The following FRMD5 variants were observed in gnomAD, a reference collection of about 807,000 sequenced individuals.
The protein encoded by FRMD5 is FERM domain-containing protein 5.
In FRMD5, 20 loss-of-function variants were observed where a neutral mutation model predicts 69.0. The observed-to-expected ratio is 0.29, with a 90% CI of 0.20 to 0.42. The LOEUF (loss-of-function observed/expected upper bound fraction) is 0.42. Among genes scored for constraint, FRMD5 ranks in the 10% least tolerant of loss-of-function variants. The pLI, the probability that FRMD5 is intolerant of heterozygous loss-of-function variation, is 1.00. For missense variants in FRMD5, 595 were observed against 708.6 expected (o/e 0.84, Z 1.82); for synonymous variants, 271 against 260.1 (o/e 1.04, Z -0.40).
At chr15:43,883,846 C>T in intron 12 of FRMD5, 37 bp from the exon 13 acceptor site, 1 of 1,483,888 alleles carries the variant, frequency 6.7e-7, no homozygotes, top group South Asian at 1.1e-5. Flanking sequence ...TAATTCAGTG[C>T]ATGGACACAT....
At chr15:43,947,982 G>A (rs956959016) in intron 1 of FRMD5, among the ~76,000 whole-genome samples, 5 of 152,148 alleles carry the variant, frequency 3.3e-5, no homozygotes, top group African/African-American at 1.2e-4. Flanking sequence ...GAAGGATAAA[G>A]AAAGCTGATG....
intron 1 of FRMD5, among the ~76,000 whole-genome samples, chr15:44,066,327 T>C (rs1893308594): frequency 6.6e-6 from 1 of 152,152 alleles, no homozygotes; most frequent in African/African-American, 2.4e-5. Flanking sequence ...GAATTCACAA[T>C]CTACTTTCAA....
At chr15:44,169,956 A>G (rs2077772219) in intron 1 of FRMD5, among the ~76,000 whole-genome samples, 1 of 152,222 alleles carries the variant, frequency 6.6e-6, no homozygotes, top group Non-Finnish European at 1.5e-5. Context: ...GTATAGAACT[A>G]CTACATACTC....
intron 7 of FRMD5, among the ~76,000 whole-genome samples, chr15:43,897,487 C>CA (rs34243475): frequency 0.23 from 3,733 of 16,036 alleles, 918 homozygotes; most frequent in African/African-American, 0.34. Flanking sequence ...CACTCCATCT[C>CA]AAAAAAAAAA....
At chr15:44,151,742 A>G (rs1566972952) in intron 1 of FRMD5, among the ~76,000 whole-genome samples, 1 of 152,188 alleles carries the variant, frequency 6.6e-6, no homozygotes, top group African/African-American at 2.4e-5. Flanking sequence ...AAAGAAAAAA[A>G]AGTTTGGACT....
At chr15:43,930,302 G>A (rs2089652524) in intron 1 of FRMD5, among the ~76,000 whole-genome samples, 1 of 152,226 alleles carries the variant, frequency 6.6e-6, no homozygotes, top group Non-Finnish European at 1.5e-5. Flanking sequence ...ATTCCAGGGG[G>A]AAATGCAGAG....
intron 1 of FRMD5, chr15:43,990,135 C>G (rs758267499): frequency 1.6e-6 from 1 of 621,440 alleles, no homozygotes; most frequent in South Asian, 1.5e-5. Flanking sequence ...GCTGGCCTTG[C>G]ACATGCCAGA....
chr15:44,087,737 T>TATCATCATCATC (rs61525802), intron 1 of FRMD5, among the ~76,000 whole-genome samples: 10 of 148,176 alleles, frequency 6.7e-5, no homozygotes, highest in Non-Finnish European at 1.5e-4. Context: ...TATCAGCTGC[T>TATCATCATCATC]ATCATCATCA....
At chr15:44,072,619 T>G (rs368650459) in intron 1 of FRMD5, among the ~76,000 whole-genome samples, 2 of 152,340 alleles carry the variant, frequency 1.3e-5, no homozygotes, top group South Asian at 2.1e-4. Context: ...TTTGCTTTTG[T>G]AGGACACCAG....
At chr15:43,977,744 T>G (rs2090485884) in intron 1 of FRMD5, among the ~76,000 whole-genome samples, 1 of 152,186 alleles carries the variant, frequency 6.6e-6, no homozygotes, top group Non-Finnish European at 1.5e-5. Flanking sequence ...CAATCTAGAT[T>G]TATTTGTAAA....
chr15:44,093,589 T>C (rs2076506577), intron 1 of FRMD5, among the ~76,000 whole-genome samples: 3 of 151,866 alleles, frequency 2.0e-5, no homozygotes, highest in African/African-American at 4.8e-5. Flanking sequence ...TTTTTTTTTT[T>C]TGAGACGGAG....
intron 1 of FRMD5, among the ~76,000 whole-genome samples, chr15:44,072,745 C>A (rs1193238430): frequency 6.6e-6 from 1 of 152,034 alleles, no homozygotes; most frequent in Non-Finnish European, 1.5e-5. Context: ...AAATATTGTC[C>A]CTTTCAAAGA....
chr15:44,160,215 G>A lies in FRMD5; in HGVS notation c.102+34738C>T, dbSNP rs143063938. 4.1e-3 allele frequency among the ~76,000 whole-genome samples: 619 copies of A among 152,292 alleles called. 2 individuals carry two copies. The highest frequency in any genetic ancestry group is 7.1e-3 in the Non-Finnish European group (480 of 68,022). On this transcript the variant is annotated intron_variant, in intron 1 of 13. Coordinates refer to ENST00000417257, the MANE Select transcript of FRMD5 (RefSeq NM_032892.5). ...CTAAAAATACAAAAATTAGCTGGGC[G>A]TGGTGCCACTTGCACCTGTAGTCCC...
At chr15:43,980,316 C>A (rs140727937) in intron 1 of FRMD5, among the ~76,000 whole-genome samples, 54 of 152,328 alleles carry the variant, frequency 3.5e-4, no homozygotes, top group African/African-American at 1.0e-3. Context: ...CCTTCAGTAA[C>A]TGAGAATGCT....
At chr15:43,897,347 C>T (rs938889796) in intron 7 of FRMD5, among the ~76,000 whole-genome samples, 4 of 151,742 alleles carry the variant, frequency 2.6e-5, no homozygotes, top group Admixed American at 6.6e-5. Context: ...ATTAGCTGGG[C>T]GTGGTAGTGT....
At chr15:44,012,731 A>C (rs917300044) in intron 1 of FRMD5, among the ~76,000 whole-genome samples, 2 of 151,932 alleles carry the variant, frequency 1.3e-5, no homozygotes, top group African/African-American at 4.8e-5. Context: ...GGTTCACCTA[A>C]AACATTATTG....
At chr15:44,055,971 C>A (rs1892855384) in intron 1 of FRMD5, among the ~76,000 whole-genome samples, 1 of 152,184 alleles carries the variant, frequency 6.6e-6, no homozygotes, top group Non-Finnish European at 1.5e-5. Flanking sequence ...ATTTTACCTC[C>A]TTATCCTGGT....
intron 1 of FRMD5, among the ~76,000 whole-genome samples, chr15:44,000,308 T>G (rs1185189053): frequency 1.3e-5 from 2 of 152,084 alleles, no homozygotes; most frequent in Non-Finnish European, 2.9e-5. Flanking sequence ...TCTTTGTCCA[T>G]TCTTTTGTGA....
chr15:44,110,040 T>G (rs1204437053), intron 1 of FRMD5, among the ~76,000 whole-genome samples: 2 of 152,240 alleles, frequency 1.3e-5, no homozygotes, highest in African/African-American at 2.4e-5. Context: ...TCTTGTAACT[T>G]TGTGTATTTA....
Sources: gnomAD v4.1 joint callset for allele counts (sites outside exome capture counted in the v4.1 genomes callset) on GRCh38, gnomAD v4.1.1 for gene constraint, MANE v1.5 for transcripts, NCBI Gene and HGNC (gene_info 2026-07-23, HGNC 2026-07-21) for gene names.